Variants in MLLT3 observed in about 807,000 individuals in gnomAD.
MLLT3 encodes MLLT3 super elongation complex subunit, also known as protein AF-9.
Under a neutral mutation model 53.2 loss-of-function variants are expected in MLLT3, and 4 were observed. The ratio of observed to expected loss-of-function variants is 0.08; its 90% CI spans 0.04 to 0.17. MLLT3 has a LOEUF of 0.17. MLLT3 is among the 10% of genes least tolerant of loss of function. The pLI is 1.00. For synonymous variants in MLLT3, 283 were observed against 230.6 expected (o/e 1.23, Z -2.06); for missense variants, 569 against 684.0 (o/e 0.83, Z 1.87).
intron 5 of MLLT3, among the ~76,000 whole-genome samples, chr9:20,387,054 G>A (rs1032646485): frequency 1.3e-5 from 2 of 152,256 alleles, no homozygotes; most frequent in Non-Finnish European, 2.9e-5. Flanking sequence ...ATAAAGATGA[G>A]GACAGAAAAT....
intron 2 of MLLT3, among the ~76,000 whole-genome samples, chr9:20,502,104 G>A (rs1036879658): frequency 6.9e-6 from 1 of 144,100 alleles, no homozygotes; most frequent in South Asian, 2.4e-4. Flanking sequence ...GGGGGGGGGG[G>A]GGACTACCTT....
At chr9:20,543,407 G>C (rs1195119674) in intron 2 of MLLT3, among the ~76,000 whole-genome samples, 1 of 152,164 alleles carries the variant, frequency 6.6e-6, no homozygotes, top group African/African-American at 2.4e-5. Context: ...CATGGGTATG[G>C]CTTATGGTGC....
At chr9:20,452,029 C>T (rs1329779992) in intron 3 of MLLT3, among the ~76,000 whole-genome samples, 3 of 152,122 alleles carry the variant, frequency 2.0e-5, no homozygotes, top group Admixed American at 6.5e-5. Context: ...GAACTGAAGA[C>T]GAGCTCATTA....
chr9:20,484,852 A>G (rs1162383543), intron 2 of MLLT3, among the ~76,000 whole-genome samples: 2 of 152,254 alleles, frequency 1.3e-5, no homozygotes, highest in Non-Finnish European at 1.5e-5. Flanking sequence ...CAGTAATTAT[A>G]TAATCATAAC....
intron 2 of MLLT3, among the ~76,000 whole-genome samples, chr9:20,501,334 A>G (rs1217164105): frequency 6.6e-6 from 1 of 152,244 alleles, no homozygotes. Context: ...ACGAAGGCAA[A>G]TAAGACAGTT....
At chr9:20,402,594 T>C (rs1449618652) in intron 5 of MLLT3, among the ~76,000 whole-genome samples, 2 of 152,194 alleles carry the variant, frequency 1.3e-5, no homozygotes, top group African/African-American at 2.4e-5. Flanking sequence ...GTTTTTATTA[T>C]GAAACAATAC....
chr9:20,450,565 T>C (rs1823812785), intron 3 of MLLT3, among the ~76,000 whole-genome samples: 1 of 152,126 alleles, frequency 6.6e-6, no homozygotes, highest in Admixed American at 6.5e-5. Context: ...ATTAACTCAT[T>C]CATTTGGCCT....
intron 4 of MLLT3, among the ~76,000 whole-genome samples, chr9:20,425,248 C>T (rs1361601957): frequency 6.6e-6 from 1 of 152,032 alleles, no homozygotes; most frequent in African/African-American, 2.4e-5. Context: ...TAATATGGAG[C>T]AAATGGGTTA....
intron 2 of MLLT3, among the ~76,000 whole-genome samples, chr9:20,575,780 G>T (rs958033934): frequency 6.6e-6 from 1 of 152,186 alleles, no homozygotes; most frequent in South Asian, 2.1e-4. Context: ...TCCATTTATA[G>T]AGCACAGGCA....
chr9:20,550,721 A>C (rs1339807146), intron 2 of MLLT3, among the ~76,000 whole-genome samples: 1 of 151,854 alleles, frequency 6.6e-6, no homozygotes, highest in African/African-American at 2.4e-5. Context: ...TAATATGATA[A>C]AGCTTGTTTA....
chr9:20,421,236 C>T (rs1586937128), intron 4 of MLLT3, among the ~76,000 whole-genome samples: 1 of 151,844 alleles, frequency 6.6e-6, no homozygotes, highest in Non-Finnish European at 1.5e-5. Context: ...TGCACTCCAG[C>T]CTGGGCAATA....
chr9:20,516,186 A>G (rs1442816726), intron 2 of MLLT3, among the ~76,000 whole-genome samples: 1 of 152,196 alleles, frequency 6.6e-6, no homozygotes, highest in Non-Finnish European at 1.5e-5. Flanking sequence ...GACCCACATG[A>G]AGGAGGAGAA....
At chr9:20,526,029 T>C (rs185469258) in intron 2 of MLLT3, among the ~76,000 whole-genome samples, 7 of 152,302 alleles carry the variant, frequency 4.6e-5, no homozygotes, top group South Asian at 2.1e-4. Flanking sequence ...AGAAGATATG[T>C]ATGTTCAAGA....
chr9:20,617,288 T>C (rs1820855080), intron 2 of MLLT3, among the ~76,000 whole-genome samples: 1 of 152,174 alleles, frequency 6.6e-6, no homozygotes, highest in South Asian at 2.1e-4. Context: ...GAAGACCATT[T>C]AACACAAATC....
chr9:20,395,464 T>A (rs1822298957), intron 5 of MLLT3, among the ~76,000 whole-genome samples: 1 of 152,166 alleles, frequency 6.6e-6, no homozygotes, highest in Non-Finnish European at 1.5e-5. Context: ...TGATGCCAGA[T>A]GTAAAGTGGC....
At chr9:20,356,197 C>T (rs1821167405) in intron 8 of MLLT3, among the ~76,000 whole-genome samples, 1 of 152,162 alleles carries the variant, frequency 6.6e-6, no homozygotes, top group South Asian at 2.1e-4. Flanking sequence ...GAGAATAATG[C>T]ACGAGTAAAA....
At chr9:20,372,507 C>A (rs908851742) in intron 5 of MLLT3, among the ~76,000 whole-genome samples, 8 of 151,676 alleles carry the variant, frequency 5.3e-5, no homozygotes, top group Non-Finnish European at 1.0e-4. Flanking sequence ...CCTGCCTCAG[C>A]CTCCTGAGTA....
intron 5 of MLLT3, among the ~76,000 whole-genome samples, chr9:20,375,511 A>G (rs760658477): frequency 2.2e-4 from 34 of 152,092 alleles, no homozygotes; most frequent in Admixed American, 2.0e-4. Flanking sequence ...AGCGGAGTTA[A>G]TGTGTCTGAT....
intron 5 of MLLT3, among the ~76,000 whole-genome samples, chr9:20,404,760 C>T (rs1435849149): frequency 1.3e-5 from 2 of 152,150 alleles, no homozygotes; most frequent in African/African-American, 4.8e-5. Flanking sequence ...CCTACCTTGG[C>T]CTCCCAAAGC....
Sources: allele counts gnomAD v4.1 joint callset (sites outside exome capture counted in the v4.1 genomes callset), GRCh38; gene constraint gnomAD v4.1.1; transcripts MANE v1.5; gene names NCBI Gene and HGNC (gene_info 2026-07-23, HGNC 2026-07-21).